NAALADL2: variants seen among roughly 807,000 people sequenced by gnomAD.
The protein encoded by NAALADL2 is inactive N-acetylated-alpha-linked acidic dipeptidase-like protein 2.
NAALADL2 carries 76 observed loss-of-function variants against 87.2 expected under a neutral mutation model. The ratio of observed to expected loss-of-function variants is 0.87; its 90% CI spans 0.72 to 1.05. NAALADL2 has a LOEUF of 1.05. Among genes scored for constraint, NAALADL2 ranks in the 50% least tolerant of loss-of-function variants. The pLI, the probability that NAALADL2 is intolerant of heterozygous loss-of-function variation, is 0.00. For synonymous variants in NAALADL2, 354 were observed against 331.0 expected (o/e 1.07, Z -0.75); for missense variants, 1,089 against 945.8 (o/e 1.15, Z -1.99).
At chr3:174,566,079 C>T (rs764588836) in intron 2 of NAALADL2, among the ~76,000 whole-genome samples, 8 of 151,180 alleles carry the variant, frequency 5.3e-5, no homozygotes, top group Non-Finnish European at 7.4e-5. Context: ...GAATTTATGC[C>T]CTTTATAATT....
chr3:175,187,907 T>C (rs1737584910), intron 2 of NAALADL2, among the ~76,000 whole-genome samples: 1 of 152,196 alleles, frequency 6.6e-6, no homozygotes. Context: ...GTGTTTTAAT[T>C]GCACATACCC....
At chr3:174,630,330 C>T (rs1721985973) in intron 2 of NAALADL2, among the ~76,000 whole-genome samples, 1 of 152,052 alleles carries the variant, frequency 6.6e-6, no homozygotes, top group Non-Finnish European at 1.5e-5. Context: ...CACTTTATTT[C>T]TCCTGTTTTA....
intron 6 of NAALADL2, among the ~76,000 whole-genome samples, chr3:175,451,716 CTT>C (rs914420160): frequency 3.3e-5 from 5 of 152,048 alleles, no homozygotes; most frequent in African/African-American, 1.2e-4. Flanking sequence ...TTGCTTAAAA[CTT>C]ATCAGTGATG....
At chr3:174,598,277 G>A (rs1245978321) in intron 2 of NAALADL2, among the ~76,000 whole-genome samples, 1 of 152,112 alleles carries the variant, frequency 6.6e-6, no homozygotes, top group Non-Finnish European at 1.5e-5. Context: ...AAAAGGTCTG[G>A]TCATAAACTT....
chr3:175,137,752 C>A (rs1729340533), intron 2 of NAALADL2, among the ~76,000 whole-genome samples: 1 of 139,186 alleles, frequency 7.2e-6, no homozygotes, highest in Admixed American at 7.5e-5. Flanking sequence ...GGCACCGCCA[C>A]CACACCCAGC....
chr3:175,137,775 GT>G (rs1729352909), intron 2 of NAALADL2, among the ~76,000 whole-genome samples: 1 of 69,048 alleles, frequency 1.4e-5, no homozygotes, highest in Non-Finnish European at 3.3e-5. Flanking sequence ...AGTTTGTTTT[GT>G]TTTGTTTTGT....
chr3:175,154,087 CCTT>C (rs1195018831), intron 2 of NAALADL2, among the ~76,000 whole-genome samples: 5 of 152,068 alleles, frequency 3.3e-5, no homozygotes, highest in African/African-American at 9.7e-5. Context: ...CAAAGTGACT[CCTT>C]CTTTGAAGTG....
At chr3:175,521,526 C>G (rs545167824) in intron 9 of NAALADL2, among the ~76,000 whole-genome samples, 1 of 152,088 alleles carries the variant, frequency 6.6e-6, no homozygotes, top group East Asian at 1.9e-4. Flanking sequence ...GTCCTAACTC[C>G]CAGTACTGAT....
chr3:175,657,867 T>A (rs1731709343), intron 11 of NAALADL2, among the ~76,000 whole-genome samples: 1 of 152,022 alleles, frequency 6.6e-6, no homozygotes, highest in Non-Finnish European at 1.5e-5. Context: ...TGAGCCACCG[T>A]GCCTGGCCTC....
chr3:174,509,119 T>G (rs1313794615), intron 1 of NAALADL2, among the ~76,000 whole-genome samples: 2 of 151,988 alleles, frequency 1.3e-5, no homozygotes, highest in Non-Finnish European at 2.9e-5. Flanking sequence ...TTTTTCTTTT[T>G]CCTGCCTTCT....
At chr3:175,389,375 C>T (rs1768805529) in intron 5 of NAALADL2, among the ~76,000 whole-genome samples, 2 of 152,162 alleles carry the variant, frequency 1.3e-5, no homozygotes, top group Non-Finnish European at 2.9e-5. Context: ...CCTTCATCCA[C>T]ATTCTATTTG....
At chr3:175,579,967 T>C (rs1284471221) in intron 10 of NAALADL2, among the ~76,000 whole-genome samples, 1 of 152,194 alleles carries the variant, frequency 6.6e-6, no homozygotes, top group Non-Finnish European at 1.5e-5. Flanking sequence ...ACCTTATACT[T>C]TTCGCTGTTC....
intron 2 of NAALADL2, among the ~76,000 whole-genome samples, chr3:174,675,522 TG>T (rs1421795968): frequency 6.6e-6 from 1 of 152,046 alleles, no homozygotes; most frequent in Non-Finnish European, 1.5e-5. Context: ...AGCAAATACT[TG>T]ATGGTAAAAA....
chr3:175,291,866 A>T (rs896025309), intron 4 of NAALADL2, among the ~76,000 whole-genome samples: 1 of 152,238 alleles, frequency 6.6e-6, no homozygotes, highest in Admixed American at 6.5e-5. Flanking sequence ...CCTTGAGTGA[A>T]TAAGAGGCTG....
chr3:174,478,603 T>C (rs1717354784), intron 1 of NAALADL2, among the ~76,000 whole-genome samples: 1 of 152,144 alleles, frequency 6.6e-6, no homozygotes. Flanking sequence ...GGAAAATATA[T>C]TCAATGGCAG....
intron 9 of NAALADL2, among the ~76,000 whole-genome samples, chr3:175,535,464 A>G (rs1210178561): frequency 6.6e-6 from 1 of 152,162 alleles, no homozygotes; most frequent in Non-Finnish European, 1.5e-5. Context: ...CAGACAGTAT[A>G]TTGTCAAGAA....
intron 11 of NAALADL2, among the ~76,000 whole-genome samples, chr3:175,651,848 T>A (rs1730805963): frequency 4.6e-5 from 7 of 152,240 alleles, no homozygotes; most frequent in Admixed American, 4.6e-4. Context: ...TGCCAGTCAT[T>A]TTCTGGCCAT....
chr3:175,471,754 T>C lies in NAALADL2; in HGVS notation c.1649T>C (p.Val550Ala). The C allele has an allele frequency of 6.2e-7, 1 of 1,605,336 alleles. No homozygotes were observed. The highest frequency in any genetic ancestry group is 8.5e-7 in the Non-Finnish European group (1 of 1,176,550). ...TCACCATCTCTTCAGCAACTGGTAG[T>C]AGAGGTAAGACAAACCACTATTGTA... ...VASPSLQQLV[V>A]EKNNFNCTRR... Residue 550 changes from valine (V) to alanine (A), a missense_variant, in exon 9 of 14, where the codon GTA (valine) becomes GCA (alanine). Val to Ala is a moderately conservative substitution (Grantham distance 64). Transcript: ENST00000454872.
At chr3:175,546,697 T>A (rs1317616668) in intron 9 of NAALADL2, among the ~76,000 whole-genome samples, 1 of 152,128 alleles carries the variant, frequency 6.6e-6, no homozygotes, top group Admixed American at 6.6e-5. Flanking sequence ...GAATGTTGAA[T>A]ATTGACCCAC....
Sources: allele counts gnomAD v4.1 joint callset (sites outside exome capture counted in the v4.1 genomes callset), GRCh38; gene constraint gnomAD v4.1.1; transcripts MANE v1.5; gene names NCBI Gene and HGNC (gene_info 2026-07-23, HGNC 2026-07-21).